Variants in ADGRL3 observed in about 807,000 individuals in gnomAD.
ADGRL3 encodes calcium-independent alpha-latrotoxin receptor 3.
ADGRL3 carries 62 observed loss-of-function variants against 153.5 expected under a neutral mutation model. The observed-to-expected ratio is 0.40, with a 90% CI of 0.33 to 0.50. ADGRL3 has a LOEUF of 0.50. Ranked by LOEUF, ADGRL3 falls within the 20% of genes least tolerant of loss-of-function variation. ADGRL3 has a pLI of 0.47. For synonymous variants in ADGRL3, 710 were observed against 672.5 expected, an observed-to-expected ratio of 1.06 and a Z score of -0.86; for missense variants, 1,641 against 1,859.4, an observed-to-expected ratio of 0.88 and a Z score of 2.16.
At chr4:61,834,969 A>C (rs1042143552) in intron 9 of ADGRL3, among the ~76,000 whole-genome samples, 1 of 152,148 alleles carries the variant, frequency 6.6e-6, no homozygotes, top group Non-Finnish European at 1.5e-5. Context: ...GGCCAAGAGC[A>C]TGATTCTCTG....
intron 4 of ADGRL3, among the ~76,000 whole-genome samples, chr4:61,570,796 A>G (rs1284991607): frequency 6.6e-6 from 1 of 152,146 alleles, no homozygotes; most frequent in Non-Finnish European, 1.5e-5. Context: ...CTTCAACATA[A>G]TCTAACACAT....
At chr4:61,712,232 A>G (rs947986702) in intron 6 of ADGRL3, among the ~76,000 whole-genome samples, 1 of 152,006 alleles carries the variant, frequency 6.6e-6, no homozygotes, top group Admixed American at 6.6e-5. Flanking sequence ...TGTCTCTACA[A>G]TAAATAAAAA....
intron 11 of ADGRL3, 151 bp from the exon 12 acceptor site, chr4:61,909,409 A>G: frequency 1.8e-6 from 1 of 565,184 alleles, no homozygotes; most frequent in African/African-American, 1.9e-5. Context: ...TCGCAGGAAA[A>G]ATTGGGGAGT....
intron 4 of ADGRL3, among the ~76,000 whole-genome samples, chr4:61,538,326 G>A (rs1249957449): frequency 6.6e-6 from 1 of 152,170 alleles, no homozygotes; most frequent in African/African-American, 2.4e-5. Flanking sequence ...TGTGTTGGAT[G>A]TGTGAGTTGA....
intron 13 of ADGRL3, among the ~76,000 whole-genome samples, chr4:61,920,892 T>C (rs982165694): frequency 1.3e-5 from 2 of 152,202 alleles, no homozygotes; most frequent in African/African-American, 4.8e-5. Context: ...GCTTTGCAGC[T>C]GGGCATAGTG....
At chr4:61,332,440 G>A (rs1463194049) in intron 1 of ADGRL3, among the ~76,000 whole-genome samples, 1 of 152,082 alleles carries the variant, frequency 6.6e-6, no homozygotes, top group Non-Finnish European at 1.5e-5. Flanking sequence ...TTGTATGGAG[G>A]ATGCAGTAAA....
rs533218743 is a variant in ADGRL3, at chr4:61,576,248, A to G, written c.260-10979A>G. 8.5e-5 allele frequency among the ~76,000 whole-genome samples: 13 copies of G among 152,110 alleles called. No homozygotes were observed. In the East Asian group the frequency reaches 2.3e-3, roughly 27 times the overall value. ...GACAGTTTCTTTCTAAACCAGCTACATATTTCATTTTCACTCAAAAGGTCT... is the reference window on the plus strand; with the variant it reads ...GACAGTTTCTTTCTAAACCAGCTACGTATTTCATTTTCACTCAAAAGGTCT... On this transcript the variant is annotated intron_variant, in intron 4 of 26. Transcript: ENST00000683033.
At chr4:61,483,702 A>G (rs939712379) in intron 2 of ADGRL3, among the ~76,000 whole-genome samples, 2 of 152,106 alleles carry the variant, frequency 1.3e-5, no homozygotes, top group African/African-American at 2.4e-5. Context: ...ATGCCACTGC[A>G]CTCCAGCCTG....
At chr4:61,476,728 A>C (rs1037184863) in intron 2 of ADGRL3, among the ~76,000 whole-genome samples, 9 of 149,014 alleles carry the variant, frequency 6.0e-5, no homozygotes, top group African/African-American at 2.0e-4. Flanking sequence ...AAAAAAAAAA[A>C]AAAAAAAAAA....
At chr4:61,950,613 G>C (rs968847351) in intron 17 of ADGRL3, among the ~76,000 whole-genome samples, 8 of 152,218 alleles carry the variant, frequency 5.3e-5, no homozygotes, top group Non-Finnish European at 1.2e-4. Context: ...TTGCAGTTCA[G>C]GGTATACACA....
intron 14 of ADGRL3, 36 bp from the exon 15 acceptor site, chr4:61,935,887 T>C: frequency 6.4e-7 from 1 of 1,557,186 alleles, no homozygotes; most frequent in South Asian, 1.2e-5. Context: ...TAGGTATGTT[T>C]CTCAATGAGC....
intron 1 of ADGRL3, among the ~76,000 whole-genome samples, chr4:61,284,002 G>T (rs1406953828): frequency 6.6e-6 from 1 of 151,920 alleles, no homozygotes; most frequent in Non-Finnish European, 1.5e-5. Context: ...AAAATCACAA[G>T]GTTGTAGTCC....
intron 1 of ADGRL3, among the ~76,000 whole-genome samples, chr4:61,260,739 T>G (rs2092443733): frequency 6.6e-6 from 1 of 152,108 alleles, no homozygotes; most frequent in Non-Finnish European, 1.5e-5. Context: ...TTTTTTTATT[T>G]TTTTGAGACA....
At chr4:61,362,324 A>T (rs2096296928) in intron 1 of ADGRL3, among the ~76,000 whole-genome samples, 1 of 149,626 alleles carries the variant, frequency 6.7e-6, no homozygotes, top group African/African-American at 2.5e-5. Context: ...AATATTTGAA[A>T]ATTATATATA....
chr4:61,479,360 T>A (rs978506368), intron 2 of ADGRL3, among the ~76,000 whole-genome samples: 4 of 152,072 alleles, frequency 2.6e-5, no homozygotes, highest in Admixed American at 6.5e-5. Context: ...GCAAGGGCCA[T>A]TCTCAAAAAA....
At chr4:61,347,907 C>T (rs1273893336) in intron 1 of ADGRL3, among the ~76,000 whole-genome samples, 2 of 151,980 alleles carry the variant, frequency 1.3e-5, no homozygotes, top group Non-Finnish European at 2.9e-5. Context: ...TCTAAAAAGA[C>T]TATATTCACA....
chr4:61,242,264 G>A (rs1338140202), intron 1 of ADGRL3, among the ~76,000 whole-genome samples: 2 of 151,978 alleles, frequency 1.3e-5, no homozygotes, highest in African/African-American at 4.8e-5. Flanking sequence ...TGTCTATTAT[G>A]TCACACTGTG....
chr4:61,866,420 T>C (rs993427822), intron 9 of ADGRL3, among the ~76,000 whole-genome samples: 2 of 152,162 alleles, frequency 1.3e-5, no homozygotes, highest in African/African-American at 4.8e-5. Context: ...GTGTTCTTCA[T>C]GTTCACGCAC....
At position 61,802,300 on chromosome 4, in the gene ADGRL3, G is replaced by A. The variant is rs562797128; in HGVS notation, c.1400-11509G>A. On this transcript the variant is annotated intron_variant, in intron 8 of 26. Transcript: ENST00000683033. ...AAGTGAGAAAATCCAACTCAAATTC[G>A]CCAAAACTAAAATAAGGAATTTAAT... is the stretch of plus-strand genomic sequence containing the variant. Among the ~76,000 whole-genome samples the A allele has an allele frequency of 2.8e-4, 43 of 152,158 alleles. No homozygotes were observed. In the Middle Eastern group the frequency reaches 0.01, roughly 36 times the overall value.
Sources: allele counts gnomAD v4.1 joint callset (sites outside exome capture counted in the v4.1 genomes callset), GRCh38; gene constraint gnomAD v4.1.1; transcripts MANE v1.5; gene names NCBI Gene and HGNC (gene_info 2026-07-23, HGNC 2026-07-21).